The following ATP2B1 variants were observed in gnomAD, a reference collection of about 807,000 sequenced individuals.
The protein encoded by ATP2B1 is plasma membrane calcium-transporting ATPase 1.
ATP2B1 carries 14 observed loss-of-function variants against 124.2 expected under a neutral mutation model. That is an observed-to-expected ratio of 0.11 (90% confidence interval 0.07 to 0.18). The LOEUF (loss-of-function observed/expected upper bound fraction) is 0.18, where lower values mean the gene tolerates loss of function less well. Ranked by LOEUF, ATP2B1 falls within the 10% of genes least tolerant of loss-of-function variation. The pLI is 1.00. For synonymous variants in ATP2B1, 449 were observed against 492.4 expected (o/e 0.91, Z 1.17); for missense variants, 763 against 1,466.1 (o/e 0.52, Z 7.83).
At chr12:89,631,190 T>C (rs949948865) in intron 5 of ATP2B1, among the ~76,000 whole-genome samples, 2 of 152,208 alleles carry the variant, frequency 1.3e-5, no homozygotes, top group Admixed American at 6.5e-5. Flanking sequence ...CCATGTAATA[T>C]TAGGTAAATT....
chr12:89,646,801 T>C (rs1326851106), intron 2 of ATP2B1, among the ~76,000 whole-genome samples: 1 of 151,934 alleles, frequency 6.6e-6, no homozygotes, highest in African/African-American at 2.4e-5. Context: ...AATAAATCAG[T>C]GAAGATGAGT....
chr12:89,679,574 C>T (rs1289157816), intron 1 of ATP2B1, among the ~76,000 whole-genome samples: 1 of 152,124 alleles, frequency 6.6e-6, no homozygotes, highest in Non-Finnish European at 1.5e-5. Context: ...AGGTAGCCTC[C>T]AGTATTAACA....
chr12:89,704,259 A>C (rs1892189082), intron 1 of ATP2B1, among the ~76,000 whole-genome samples: 1 of 152,180 alleles, frequency 6.6e-6, no homozygotes, highest in South Asian at 2.1e-4. Context: ...AGTTCTTTGA[A>C]ATCAAAATTC....
chr12:89,685,145 A>G (rs1396587230), intron 1 of ATP2B1, among the ~76,000 whole-genome samples: 1 of 152,130 alleles, frequency 6.6e-6, no homozygotes, highest in African/African-American at 2.4e-5. Context: ...TGCCTTACCA[A>G]GAGTGGGACA....
At chr12:89,617,130 G>T in intron 11 of ATP2B1, 91 bp from the exon 12 acceptor site, 1 of 922,966 alleles carries the variant, frequency 1.1e-6, no homozygotes, top group Non-Finnish European at 1.7e-6. Context: ...GAAATCATGG[G>T]ATCTGATATC....
chr12:89,628,441 T>G (rs1881293309), intron 6 of ATP2B1, among the ~76,000 whole-genome samples: 1 of 142,558 alleles, frequency 7.0e-6, no homozygotes, highest in Admixed American at 7.0e-5. Flanking sequence ...AAAAGACAAC[T>G]GGCACACAGG....
At chr12:89,598,488 A>T (rs1875131704) in intron 20 of ATP2B1, 1 of 1,343,180 alleles carries the variant, frequency 7.4e-7, no homozygotes, top group Non-Finnish European at 1.0e-6. Context: ...AGCTTTATGA[A>T]AAAGCCTGAA....
intron 11 of ATP2B1, among the ~76,000 whole-genome samples, chr12:89,617,847 T>G (rs1206325035): frequency 2.6e-5 from 4 of 152,196 alleles, no homozygotes; most frequent in Non-Finnish European, 1.5e-5. Flanking sequence ...CCATGTAATG[T>G]GCATCAACAT....
intron 8 of ATP2B1, among the ~76,000 whole-genome samples, 194 bp downstream of exon 8, chr12:89,626,260 C>T (rs1156997938): frequency 6.6e-6 from 1 of 152,174 alleles, no homozygotes; most frequent in East Asian, 1.9e-4. Context: ...CCTAACCCGA[C>T]CACTTATTAG....
intron 1 of ATP2B1, among the ~76,000 whole-genome samples, chr12:89,667,399 G>C (rs1031307885): frequency 2.0e-5 from 3 of 152,128 alleles, no homozygotes; most frequent in Admixed American, 2.0e-4. Flanking sequence ...TCTTAAATGA[G>C]GGTATTACCC....
At chr12:89,674,821 G>C (rs1446019832) in intron 1 of ATP2B1, among the ~76,000 whole-genome samples, 1 of 152,136 alleles carries the variant, frequency 6.6e-6, no homozygotes, top group African/African-American at 2.4e-5. Flanking sequence ...TGGAGGCATG[G>C]AACCACACCT....
At chr12:89,610,163 A>C (rs141608230) in intron 14 of ATP2B1, 120 bp from the exon 15 acceptor site, 2 of 973,010 alleles carry the variant, frequency 2.1e-6, no homozygotes, top group African/African-American at 3.3e-5. Context: ...CAAATATAAA[A>C]ATGGAAATTG....
chr12:89,627,397 A>C (rs1010972282), intron 7 of ATP2B1, among the ~76,000 whole-genome samples: 14 of 114,546 alleles, frequency 1.2e-4, no homozygotes, highest in Middle Eastern at 4.2e-3. Flanking sequence ...TCCAAAATCC[A>C]AAAAAAAAAA....
At chr12:89,704,428 TTCTC>T (rs1892208588) in intron 1 of ATP2B1, among the ~76,000 whole-genome samples, 1 of 152,116 alleles carries the variant, frequency 6.6e-6, no homozygotes, top group Admixed American at 6.5e-5. Context: ...CCATTCATAT[TTCTC>T]TATTAAATTT....
At chr12:89,619,555 G>T (rs1879598408) in intron 11 of ATP2B1, among the ~76,000 whole-genome samples, 1 of 150,358 alleles carries the variant, frequency 6.7e-6, no homozygotes, top group South Asian at 2.1e-4. Flanking sequence ...AGGGTGAAGT[G>T]AGCTGAGATC....
intron 20 of ATP2B1, among the ~76,000 whole-genome samples, chr12:89,596,140 T>C (rs1378438975): frequency 1.3e-5 from 2 of 152,082 alleles, no homozygotes; most frequent in Non-Finnish European, 2.9e-5. Context: ...CTGAGAAATA[T>C]AATAAGTATA....
rs149160293 is a variant in ATP2B1 at position 89,643,263 on chromosome 12, C to CAT, written c.209-910_209-909dup. 5.3e-5 allele frequency among the ~76,000 whole-genome samples: 8 copies of CAT among 150,638 alleles called. No individual in the cohort carries two copies. In the East Asian group the frequency reaches 9.8e-4, roughly 18 times the overall value. ...ATGTATATATACACACACATATACA[C>CAT]ATATATATATATTTGGTTCAGTTAT... is the stretch of plus-strand genomic sequence containing the variant. On this transcript the variant is annotated intron_variant, in intron 2 of 20. Coordinates refer to ENST00000428670, the MANE Select transcript of ATP2B1 (RefSeq NM_001366521.1).
intron 1 of ATP2B1, among the ~76,000 whole-genome samples, chr12:89,660,677 A>T (rs1886594754): frequency 6.6e-6 from 1 of 152,220 alleles, no homozygotes; most frequent in Non-Finnish European, 1.5e-5. Flanking sequence ...ACATCTTATT[A>T]AATGTGTAAA....
In ATP2B1 at chr12:89,627,735, A is replaced by T. The variant is rs914964025; in HGVS notation, c.929-19T>A. 1 of 1,612,826 alleles carries T rather than the reference A, an allele frequency of 6.2e-7. No individual in the cohort carries two copies. The highest frequency in any genetic ancestry group is 1.1e-5 in the South Asian group (1 of 90,912). Reference sequence around the variant, plus strand: ...TTCTTATCTGTAGGAACAAAATGGGAATTAAAGCTTTCCAAAAGAAATGAA... The same window carrying T: ...TTCTTATCTGTAGGAACAAAATGGGTATTAAAGCTTTCCAAAAGAAATGAA... On this transcript the variant is annotated intron_variant, in intron 6 of 20. Transcript: ENST00000428670.
Sources: gnomAD v4.1 joint callset for allele counts (sites outside exome capture counted in the v4.1 genomes callset) on GRCh38, gnomAD v4.1.1 for gene constraint, MANE v1.5 for transcripts, NCBI Gene and HGNC (gene_info 2026-07-23, HGNC 2026-07-21) for gene names.